Variants in PCDH15 observed in about 807,000 individuals in gnomAD.
PCDH15 encodes protocadherin related 15, also known as protocadherin-15.
A neutral mutation model predicts 178.5 loss-of-function variants in PCDH15; 129 were observed. That is an observed-to-expected ratio of 0.72 (90% CI 0.63 to 0.84). PCDH15 has a LOEUF of 0.84. Ranked by LOEUF, PCDH15 falls within the 40% of genes least tolerant of loss-of-function variation. The pLI is 0.00. For missense variants in PCDH15, 2,230 were observed against 2,099.9 expected (o/e 1.06, Z -1.21); for synonymous variants, 800 against 732.0 (o/e 1.09, Z -1.50).
At chr10:53,858,349 C>T (rs1181352739) in intron 27 of PCDH15, among the ~76,000 whole-genome samples, 1 of 152,038 alleles carries the variant, frequency 6.6e-6, no homozygotes, top group African/African-American at 2.4e-5. Context: ...CAAATGCCTT[C>T]AGGAACCAGG....
chr10:55,069,546 C>T (rs111976304), intron 2 of PCDH15, among the ~76,000 whole-genome samples: 9,458 of 138,528 alleles, frequency 0.068, 633 homozygotes, highest in African/African-American at 0.17. Context: ...TTTGTTCTTG[C>T]GATAGTTTAC....
chr10:54,362,906 T>C (rs959681005), intron 5 of PCDH15, among the ~76,000 whole-genome samples: 2 of 152,156 alleles, frequency 1.3e-5, no homozygotes, highest in African/African-American at 4.8e-5. Flanking sequence ...TCATTATTCT[T>C]GTTTTAATCT....
intron 8 of PCDH15, among the ~76,000 whole-genome samples, chr10:54,248,566 G>A (rs2056205503): frequency 6.6e-6 from 1 of 151,970 alleles, no homozygotes; most frequent in Admixed American, 6.6e-5. Flanking sequence ...AACTGCTCAA[G>A]CAGTAGAAAA....
At chr10:55,005,549 C>T (rs2131936272) in intron 2 of PCDH15, among the ~76,000 whole-genome samples, 1 of 152,198 alleles carries the variant, frequency 6.6e-6, no homozygotes, top group East Asian at 1.9e-4. Flanking sequence ...TTCTGAAAGA[C>T]TTATCTTTTA....
At chr10:53,880,092 G>A (rs1222045834) in intron 26 of PCDH15, among the ~76,000 whole-genome samples, 1 of 152,134 alleles carries the variant, frequency 6.6e-6, no homozygotes, top group Non-Finnish European at 1.5e-5. Flanking sequence ...CTCCAATGCA[G>A]TGTTCAATAT....
chr10:54,613,484 GTCTC>G lies in PCDH15; in HGVS notation c.91+50684_91+50687del, dbSNP rs552902855. Among the ~76,000 whole-genome samples, 12 of 147,108 alleles carry G rather than the reference GTCTC, an allele frequency of 8.2e-5. No individual in the cohort carries two copies. The South Asian group carries it at 2.1e-3, about 26-fold the overall frequency. The stretch of plus-strand genomic sequence containing the variant: ...TATAAAAAGCTTCAGTCTCTCTTTT[GTCTC>G]TCTCTCACACACACATACACACACA... On this transcript the variant is annotated intron_variant, in intron 2 of 37. Transcript: ENST00000644397.
At chr10:55,015,660 T>C (rs1351323754) in intron 2 of PCDH15, among the ~76,000 whole-genome samples, 1 of 152,110 alleles carries the variant, frequency 6.6e-6, no homozygotes, top group Non-Finnish European at 1.5e-5. Flanking sequence ...GAGTTTAATA[T>C]AGTAACTATG....
intron 20 of PCDH15, among the ~76,000 whole-genome samples, chr10:54,005,143 C>A (rs2092339580): frequency 6.6e-6 from 1 of 152,002 alleles, no homozygotes; most frequent in East Asian, 1.9e-4. Flanking sequence ...CCATCTCATG[C>A]CATATACAAA....
intron 1 of PCDH15, among the ~76,000 whole-genome samples, chr10:54,769,882 T>G (rs1267935836): frequency 6.6e-6 from 1 of 152,186 alleles, no homozygotes; most frequent in East Asian, 1.9e-4. Flanking sequence ...AATACCTTTT[T>G]GTCTGTAGTT....
At chr10:54,819,616 C>T (rs10763147) in intron 3 of PCDH15, among the ~76,000 whole-genome samples, 43,461 of 151,704 alleles carry the variant, frequency 0.29, 6,377 homozygotes, top group Middle Eastern at 0.36. Context: ...ATTATTTTCA[C>T]GAATGTTTCT....
chr10:54,549,535 T>G (rs1353592022), intron 2 of PCDH15, among the ~76,000 whole-genome samples: 2 of 151,956 alleles, frequency 1.3e-5, no homozygotes, highest in Admixed American at 1.3e-4. Context: ...TAGATTCTTT[T>G]GTAAAATTTA....
At chr10:55,281,709 C>T (rs1044479009) in intron 1 of PCDH15, among the ~76,000 whole-genome samples, 1 of 152,096 alleles carries the variant, frequency 6.6e-6, no homozygotes, top group Non-Finnish European at 1.5e-5. Context: ...ACCTGGCTCA[C>T]AAAAACTTAA....
chr10:54,743,693 T>C (rs570056741), intron 1 of PCDH15, among the ~76,000 whole-genome samples: 4 of 152,038 alleles, frequency 2.6e-5, no homozygotes, highest in Non-Finnish European at 4.4e-5. Context: ...TATAGAGGCA[T>C]AGTAGCATCC....
chr10:55,097,926 T>C (rs1331914105), intron 2 of PCDH15, among the ~76,000 whole-genome samples: 1 of 152,080 alleles, frequency 6.6e-6, no homozygotes, highest in African/African-American at 2.4e-5. Flanking sequence ...GCATCCTAAA[T>C]ATGATTTCAG....
intron 3 of PCDH15, among the ~76,000 whole-genome samples, chr10:54,511,862 T>A (rs977607641): frequency 6.6e-6 from 1 of 152,170 alleles, no homozygotes; most frequent in South Asian, 2.1e-4. Flanking sequence ...AAATAAGGTA[T>A]GTGAGTGCTT....
chr10:55,303,319 A>G (rs1843336660), intron 1 of PCDH15, among the ~76,000 whole-genome samples: 1 of 152,178 alleles, frequency 6.6e-6, no homozygotes, highest in African/African-American at 2.4e-5. Context: ...GGCTGTTAGT[A>G]GTCTTGCTTG....
chr10:55,241,693 G>A (rs1841546716), intron 1 of PCDH15, among the ~76,000 whole-genome samples: 1 of 152,116 alleles, frequency 6.6e-6, no homozygotes, highest in South Asian at 2.1e-4. Context: ...AAAGTTCTGG[G>A]ATTGCAGGTA....
chr10:54,995,293 G>A (rs529076392), intron 2 of PCDH15, among the ~76,000 whole-genome samples: 94 of 150,876 alleles, frequency 6.2e-4, no homozygotes, highest in African/African-American at 2.1e-3. Context: ...GGAGAATGGC[G>A]TGAACCCGGG....
intron 3 of PCDH15, among the ~76,000 whole-genome samples, chr10:54,888,789 C>CTTTTTTTTTTTTTTTTT (rs59914980): frequency 9.1e-6 from 1 of 110,170 alleles, no homozygotes. Flanking sequence ...TTCATTTTTT[C>CTTTTTTTTTTTTTTTTT]TTTTTTTTTT....
Sources: gnomAD v4.1 joint callset for allele counts (sites outside exome capture counted in the v4.1 genomes callset) on GRCh38, gnomAD v4.1.1 for gene constraint, MANE v1.5 for transcripts, NCBI Gene and HGNC (gene_info 2026-07-23, HGNC 2026-07-21) for gene names.